ROBO2: variants seen among roughly 807,000 people sequenced by gnomAD.
The protein encoded by ROBO2 is roundabout homolog 2.
Under a neutral mutation model 160.8 loss-of-function variants are expected in ROBO2, and 53 were observed. The observed-to-expected ratio is 0.33, with a 90% CI of 0.26 to 0.41. The LOEUF (loss-of-function observed/expected upper bound fraction) is 0.41. ROBO2 is among the 10% of genes least tolerant of loss of function. The pLI is 1.00. For missense variants in ROBO2, 1,577 were observed against 1,722.4 expected (o/e 0.92, Z 1.49); for synonymous variants, 664 against 611.7 (o/e 1.09, Z -1.26).
intron 2 of ROBO2, among the ~76,000 whole-genome samples, chr3:77,105,200 G>T (rs1374931642): frequency 1.3e-5 from 2 of 152,124 alleles, no homozygotes; most frequent in South Asian, 2.1e-4. Context: ...GGAAAACAAA[G>T]AACTATTATC....
intron 2 of ROBO2, among the ~76,000 whole-genome samples, chr3:76,608,368 C>T (rs1578500167): frequency 1.3e-5 from 2 of 152,230 alleles, no homozygotes; most frequent in South Asian, 2.1e-4. Context: ...TCAGATTGAA[C>T]GTGGAAGGAA....
chr3:75,984,199 A>C (rs144001731), intron 2 of ROBO2, among the ~76,000 whole-genome samples: 1 of 151,678 alleles, frequency 6.6e-6, no homozygotes, highest in Non-Finnish European at 1.5e-5. Flanking sequence ...GTTCACTGTC[A>C]AGCAGCCACA....
chr3:76,252,594 C>A (rs1706077837), intron 2 of ROBO2, among the ~76,000 whole-genome samples: 1 of 150,986 alleles, frequency 6.6e-6, no homozygotes, highest in Non-Finnish European at 1.5e-5. Flanking sequence ...GTGAACATTA[C>A]AAAGATGATG....
intron 2 of ROBO2, among the ~76,000 whole-genome samples, chr3:76,883,013 C>T (rs1396385236): frequency 2.0e-5 from 3 of 152,146 alleles, no homozygotes; most frequent in South Asian, 2.1e-4. Flanking sequence ...ATTCTGCCTA[C>T]AGGAAGGAGA....
At chr3:76,252,443 A>G (rs955580127) in intron 2 of ROBO2, among the ~76,000 whole-genome samples, 2 of 152,210 alleles carry the variant, frequency 1.3e-5, no homozygotes, top group Middle Eastern at 3.4e-3. Context: ...TATTAAAACT[A>G]TTAGGGTGGT....
chr3:76,646,220 G>C (rs2090963277), intron 2 of ROBO2, among the ~76,000 whole-genome samples: 1 of 152,204 alleles, frequency 6.6e-6, no homozygotes, highest in Non-Finnish European at 1.5e-5. Flanking sequence ...GGGAAAGCCT[G>C]AGTTGCTGAG....
chr3:76,171,893 T>TA lies in ROBO2; in HGVS notation c.109+234292dup, dbSNP rs1320493129. Among the ~76,000 whole-genome samples the TA allele has an allele frequency of 3.9e-5, 6 of 152,120 alleles. No homozygotes were observed. The South Asian group carries it at 1.0e-3, about 26-fold the overall frequency. On this transcript the variant is annotated intron_variant, in intron 2 of 26. Transcript: ENST00000487694. The stretch of plus-strand genomic sequence containing the variant: ...GAGGTGTAAACTCAGAAGAGATGTC[T>TA]AGTGAAGAGAATCCATAAATTTTGC...
exon 11 of ROBO2, chr3:77,563,192 C>T: frequency 1.2e-6 from 2 of 1,613,386 alleles, no homozygotes; most frequent in Non-Finnish European, 1.7e-6. Flanking sequence ...TCAGTAAAAA[C>T]TATGATTTAA....
chr3:77,123,326 T>G (rs1276007374), intron 2 of ROBO2, among the ~76,000 whole-genome samples: 1 of 152,212 alleles, frequency 6.6e-6, no homozygotes, highest in East Asian at 1.9e-4. Flanking sequence ...TTTGTGTTTT[T>G]TCTGCAGCAG....
chr3:77,641,523 T>C (rs1402186487), intron 24 of ROBO2, among the ~76,000 whole-genome samples: 1 of 152,194 alleles, frequency 6.6e-6, no homozygotes, highest in Non-Finnish European at 1.5e-5. Context: ...ACAGAATACA[T>C]TTACAAAAAT....
chr3:76,216,371 G>T (rs1045722907), intron 2 of ROBO2, among the ~76,000 whole-genome samples: 7 of 152,124 alleles, frequency 4.6e-5, no homozygotes, highest in African/African-American at 1.7e-4. Flanking sequence ...CTGCAAATTG[G>T]ATAAAGAGTC....
At chr3:76,516,933 A>T (rs9815555) in intron 2 of ROBO2, among the ~76,000 whole-genome samples, 10,281 of 152,190 alleles carry the variant, frequency 0.068, 1,064 homozygotes, top group African/African-American at 0.22. Flanking sequence ...TTTGAAAAAG[A>T]ATGTTGCTCT....
intron 2 of ROBO2, among the ~76,000 whole-genome samples, chr3:77,278,853 A>C (rs2060058799): frequency 6.6e-6 from 1 of 152,158 alleles, no homozygotes; most frequent in South Asian, 2.1e-4. Context: ...ACAAACAAAA[A>C]TATGACTTAA....
At chr3:77,416,067 G>C (rs1045878661) in intron 2 of ROBO2, among the ~76,000 whole-genome samples, 36 of 152,298 alleles carry the variant, frequency 2.4e-4, no homozygotes, top group African/African-American at 7.7e-4. Context: ...GGATGAGATT[G>C]CACAGACATT....
intron 1 of ROBO2, among the ~76,000 whole-genome samples, chr3:75,909,218 C>T (rs1946465341): frequency 6.6e-6 from 1 of 152,076 alleles, no homozygotes; most frequent in African/African-American, 2.4e-5. Context: ...AGCCTTTTTC[C>T]TCCTTTTCTT....
In ROBO2 at chr3:77,356,437, T is replaced by C. The variant is rs531735203; in HGVS notation, c.389-120977T>C. ...TCAGAGAAAAACAACTGTATGCACA[T>C]CAAATGGCCAACAGGTTAATAGCAG... On this transcript the variant is annotated intron_variant, in intron 2 of 25. Coordinates refer to ENST00000461745, the Ensembl canonical transcript of ROBO2. 2.0e-5 allele frequency among the ~76,000 whole-genome samples: 3 copies of C among 152,124 alleles called. No individual in the cohort carries two copies. In the South Asian group the frequency reaches 6.2e-4, roughly 32 times the overall value.
chr3:76,704,415 C>G (rs2093114137), intron 2 of ROBO2, among the ~76,000 whole-genome samples: 1 of 152,034 alleles, frequency 6.6e-6, no homozygotes, highest in South Asian at 2.1e-4. Flanking sequence ...TGCAAAATGG[C>G]ATGTGGGTTA....
intron 2 of ROBO2, among the ~76,000 whole-genome samples, chr3:76,682,432 G>A (rs763098374): frequency 7.6e-5 from 9 of 118,622 alleles, no homozygotes; most frequent in East Asian, 2.9e-4. Flanking sequence ...CTTTTGAGAC[G>A]GAGTCTTGCT....
intron 2 of ROBO2, among the ~76,000 whole-genome samples, chr3:76,416,942 A>C (rs2075781544): frequency 6.6e-6 from 1 of 152,192 alleles, no homozygotes; most frequent in Non-Finnish European, 1.5e-5. Context: ...ATTGAAAGAA[A>C]AGTTTCTCAA....
Sources: gnomAD v4.1 joint callset for allele counts (sites outside exome capture counted in the v4.1 genomes callset) on GRCh38, gnomAD v4.1.1 for gene constraint, MANE v1.5 for transcripts, NCBI Gene and HGNC (gene_info 2026-07-23, HGNC 2026-07-21) for gene names.